Variants in RUNX1 observed in about 807,000 individuals in gnomAD.
The protein encoded by RUNX1 is runt-related transcription factor 1.
A neutral mutation model predicts 42.8 loss-of-function variants in RUNX1; 19 were observed. The ratio of observed to expected loss-of-function variants is 0.44; its 90% CI spans 0.31 to 0.65. The LOEUF is 0.65. Among genes scored for constraint, RUNX1 ranks in the 30% least tolerant of loss-of-function variants. The probability of loss-of-function intolerance (pLI) is 0.07; values close to 1 mark genes in which losing one functional copy is unlikely to be tolerated. For synonymous variants in RUNX1, 271 were observed against 289.4 expected (o/e 0.94, Z 0.64); for missense variants, 528 against 672.0 (o/e 0.79, Z 2.37).
At chr21:35,039,783 C>A (rs943247164) in intron 2 of RUNX1, among the ~76,000 whole-genome samples, 2 of 152,198 alleles carry the variant, frequency 1.3e-5, no homozygotes, top group African/African-American at 2.4e-5. Context: ...TATGACCCTG[C>A]ACCTTTCACA....
intron 2 of RUNX1, among the ~76,000 whole-genome samples, chr21:34,988,848 A>G (rs2058912444): frequency 6.6e-6 from 1 of 152,172 alleles, no homozygotes; most frequent in Non-Finnish European, 1.5e-5. Flanking sequence ...ATTCTGATCC[A>G]GTAGCTGATA....
chr21:34,987,259 T>G (rs2058895424), intron 2 of RUNX1, among the ~76,000 whole-genome samples: 1 of 152,206 alleles, frequency 6.6e-6, no homozygotes, highest in Admixed American at 6.5e-5. Flanking sequence ...TCGTCCGCCT[T>G]GTGGCCAGGG....
chr21:34,828,381 T>G (rs1336753716), intron 7 of RUNX1, among the ~76,000 whole-genome samples: 1 of 152,256 alleles, frequency 6.6e-6, no homozygotes, highest in Non-Finnish European at 1.5e-5. Flanking sequence ...AGACTTGTTT[T>G]TGATTTCACA....
At chr21:35,012,838 G>A (rs1252915054) in intron 2 of RUNX1, among the ~76,000 whole-genome samples, 2 of 152,130 alleles carry the variant, frequency 1.3e-5, no homozygotes, top group African/African-American at 4.8e-5. Flanking sequence ...GAAATCAGGC[G>A]TCAGAAAACT....
intron 2 of RUNX1, among the ~76,000 whole-genome samples, chr21:34,893,936 C>T (rs981114840): frequency 2.0e-5 from 3 of 151,448 alleles, no homozygotes; most frequent in Admixed American, 1.3e-4. Context: ...AAGGACTGCT[C>T]TATGATGAAA....
At chr21:34,935,200 T>C (rs1429278881) in intron 2 of RUNX1, among the ~76,000 whole-genome samples, 1 of 152,202 alleles carries the variant, frequency 6.6e-6, no homozygotes, top group Non-Finnish European at 1.5e-5. Context: ...TTTGGGAGCC[T>C]GAAGACAACC....
chr21:34,877,976 C>CATGG (rs2057838787), intron 5 of RUNX1, among the ~76,000 whole-genome samples: 1 of 152,232 alleles, frequency 6.6e-6, no homozygotes, highest in Non-Finnish European at 1.5e-5. Flanking sequence ...CCTTCTGAGC[C>CATGG]ATGGCGTGGT....
intron 7 of RUNX1, among the ~76,000 whole-genome samples, chr21:34,824,880 G>A (rs1295173826): frequency 6.6e-6 from 1 of 152,228 alleles, no homozygotes; most frequent in Non-Finnish European, 1.5e-5. Context: ...AACCAACTCA[G>A]TCTGGAGAAC....
chr21:35,026,151 A>G (rs2059234873), intron 2 of RUNX1, among the ~76,000 whole-genome samples: 1 of 152,208 alleles, frequency 6.6e-6, no homozygotes, highest in Non-Finnish European at 1.5e-5. Context: ...TGCTCAGAGA[A>G]GTTCGTATTA....
chr21:35,037,780 C>A (rs1049443300), intron 2 of RUNX1, among the ~76,000 whole-genome samples: 1 of 152,208 alleles, frequency 6.6e-6, no homozygotes, highest in Admixed American at 6.5e-5. Flanking sequence ...ATGCTTGGAA[C>A]GGTGCAAGTG....
chr21:35,010,572 C>T (rs1359993977), intron 2 of RUNX1, among the ~76,000 whole-genome samples: 5 of 151,680 alleles, frequency 3.3e-5, no homozygotes, highest in African/African-American at 1.2e-4. Context: ...TTAAATGAAT[C>T]AACAGGTAAA....
chr21:34,956,723 T>C (rs2058646870), intron 2 of RUNX1, among the ~76,000 whole-genome samples: 1 of 152,158 alleles, frequency 6.6e-6, no homozygotes. Context: ...GCAAAGTTGA[T>C]CTGAATTGCT....
At chr21:34,867,534 A>C (rs2057679503) in intron 5 of RUNX1, among the ~76,000 whole-genome samples, 1 of 152,160 alleles carries the variant, frequency 6.6e-6, no homozygotes, top group Admixed American at 6.5e-5. Flanking sequence ...GCTTTTTCCA[A>C]GGCACAGGTA....
chr21:34,832,927 C>T (rs1369060329), intron 7 of RUNX1: 2 of 152,126 alleles, frequency 1.3e-5, no homozygotes, highest in Admixed American at 6.5e-5. Flanking sequence ...AAGGGTTACT[C>T]CACAGACAGG....
chr21:34,967,362 C>T (rs2058728740), intron 2 of RUNX1, among the ~76,000 whole-genome samples: 2 of 94,964 alleles, frequency 2.1e-5, no homozygotes, highest in South Asian at 3.9e-4. Flanking sequence ...AGAAGAATAG[C>T]GTTTTCCCAT....
rs541564728 is a variant in RUNX1 at position 34,982,189 on chromosome 21, G to A, written c.58+66653C>T. Among the ~76,000 whole-genome samples, 9 of 152,208 alleles carry A rather than the reference G, an allele frequency of 5.9e-5. No homozygotes were observed. In the East Asian group the frequency reaches 1.2e-3, roughly 20 times the overall value. On this transcript the variant is annotated intron_variant, in intron 2 of 8. Coordinates refer to ENST00000675419, the MANE Select transcript of RUNX1 (RefSeq NM_001754.5). ...ACTCAAGTCATTATAACTATAAATC[G>A]CTACCATCTTTCTTACCAAGGATTT...
chr21:34,923,447 G>A (rs78040845), intron 2 of RUNX1, among the ~76,000 whole-genome samples: 4 of 152,254 alleles, frequency 2.6e-5, no homozygotes, highest in Admixed American at 6.5e-5. Context: ...AAGTTGTGAC[G>A]TCATGAAAAC....
chr21:34,905,388 C>T (rs935345930), intron 2 of RUNX1, among the ~76,000 whole-genome samples: 1 of 152,170 alleles, frequency 6.6e-6, no homozygotes, highest in African/African-American at 2.4e-5. Context: ...TGGATTAAGA[C>T]TTCAGGTTAA....
intron 2 of RUNX1, among the ~76,000 whole-genome samples, chr21:35,001,376 C>T (rs1381931991): frequency 2.7e-5 from 4 of 149,730 alleles, no homozygotes; most frequent in Non-Finnish European, 5.9e-5. Context: ...GAATTTTTAA[C>T]TATAGTTCTA....
Sources: allele counts gnomAD v4.1 joint callset (sites outside exome capture counted in the v4.1 genomes callset), GRCh38; gene constraint gnomAD v4.1.1; transcripts MANE v1.5; gene names NCBI Gene and HGNC (gene_info 2026-07-23, HGNC 2026-07-21).